The following EML2 variants were observed in gnomAD, a reference collection of about 807,000 sequenced individuals.
The protein encoded by EML2 is EMAP like 2.
Under a neutral mutation model 84.7 loss-of-function variants are expected in EML2, and 59 were observed. The observed-to-expected ratio is 0.70, with a 90% confidence interval of 0.56 to 0.86. The LOEUF is 0.86. Ranked by LOEUF, EML2 falls within the 40% of genes least tolerant of loss-of-function variation. The pLI is 0.00. For synonymous variants in EML2, 352 were observed against 348.9 expected, an observed-to-expected ratio of 1.01 and a Z score of -0.10; for missense variants, 818 against 855.6, an observed-to-expected ratio of 0.96 and a Z score of 0.55.
At chr19:45,641,494 G>T, upstream of EML2, 2 of 724,024 alleles carry the variant, frequency 2.8e-6, no homozygotes, top group Non-Finnish European at 4.5e-6. Flanking sequence ...CCTCAAGATT[G>T]GTCCCTCCAA....
chr19:45,615,714 C>T, intron 16 of EML2, 88 bp downstream of exon 16: 1 of 1,166,730 alleles, frequency 8.6e-7, no homozygotes, highest in Non-Finnish European at 1.3e-6. Flanking sequence ...GGGAGCGAGG[C>T]TTGAAGCCCC....
At chr19:45,631,475 G>C (rs1423924498) in intron 6 of EML2, among the ~76,000 whole-genome samples, 2 of 152,044 alleles carry the variant, frequency 1.3e-5, no homozygotes, top group East Asian at 3.8e-4. Context: ...GTGGAGTGCA[G>C]TGGTGGGATC....
upstream of EML2, chr19:45,643,818 G>T (rs1974819267): frequency 2.1e-5 from 30 of 1,414,582 alleles, no homozygotes; most frequent in Non-Finnish European, 2.7e-5. Context: ...TCCCAGGTCC[G>T]GTGCCTGGAC....
chr19:45,639,177 C>A (rs547904335), intron 1 of EML2, 180 bp downstream of exon 1: 9 of 711,532 alleles, frequency 1.3e-5, no homozygotes, highest in Non-Finnish European at 2.0e-5. Flanking sequence ...TGCTCCCCAG[C>A]GCCCCCCACC....
chr19:45,643,571 A>T, upstream of EML2: 1 of 1,535,768 alleles, frequency 6.5e-7, no homozygotes, highest in Non-Finnish European at 8.7e-7. Context: ...CCCGCAGAAT[A>T]CTCATACCCA....
chr19:45,636,476 A>G (rs966950893), intron 3 of EML2, among the ~76,000 whole-genome samples: 4 of 151,990 alleles, frequency 2.6e-5, no homozygotes. Flanking sequence ...GAAGCCCTCC[A>G]TGACTCCAGG....
chr19:45,616,149 A>T, intron 15 of EML2: 2 of 536,102 alleles, frequency 3.7e-6, no homozygotes, highest in East Asian at 3.1e-5. Flanking sequence ...AGGGCTAGAC[A>T]CGGAGGAGCT....
intron 11 of EML2, 91 bp downstream of exon 11, chr19:45,621,116 G>A: frequency 6.6e-7 from 1 of 1,524,494 alleles, no homozygotes; most frequent in Non-Finnish European, 8.9e-7. Flanking sequence ...GAGGTGAGGA[G>A]AACTGGGAGT....
chr19:45,643,755 T>C (rs1974810578), upstream of EML2: 1 of 1,509,312 alleles, frequency 6.6e-7, no homozygotes, highest in Admixed American at 2.1e-5. Flanking sequence ...CTCCTTCCCT[T>C]CGTAGCCCAA....
At chr19:45,611,374 G>A (rs1244273612) in intron 18 of EML2, among the ~76,000 whole-genome samples, 1 of 151,556 alleles carries the variant, frequency 6.6e-6, no homozygotes, top group Non-Finnish European at 1.5e-5. Context: ...TCGCGCCATT[G>A]CACTGCAGCC....
Position 45,639,150 on chromosome 19 carries a change from C to G in EML2, c.20+207G>C, listed in dbSNP as rs147265509. 3,704 of 661,086 alleles carry G rather than the reference C, an allele frequency of 5.6e-3. 13 individuals carry two copies. Among genetic ancestry groups the G allele is most frequent in the Non-Finnish European group, 6.6e-3 (2,524 of 384,184 alleles). The allele number at this position is 661,086 out of a possible 1,614,324, so 41.0% of individuals were successfully genotyped here. ...AGAAGGGAGTCACCAAGGACCCTTCCCTCCTAATCAGCAAGGTGCTCCCCA... is the reference window on the plus strand; with the variant it reads ...AGAAGGGAGTCACCAAGGACCCTTCGCTCCTAATCAGCAAGGTGCTCCCCA... On this transcript the variant is annotated intron_variant, in intron 1 of 18. Transcript: ENST00000245925.
intron 3 of EML2, among the ~76,000 whole-genome samples, chr19:45,634,919 C>T (rs900952290): frequency 2.4e-4 from 36 of 152,104 alleles, no homozygotes; most frequent in Non-Finnish European, 4.4e-4. Context: ...GGTGCAATCT[C>T]AGCTCACTGC....
At chr19:45,613,730 G>A (rs1164550203) in intron 17 of EML2, 59 bp from the exon 18 acceptor site, 31 of 1,583,506 alleles carry the variant, frequency 2.0e-5, no homozygotes, top group Non-Finnish European at 2.5e-5. Context: ...ACCGCCAAGA[G>A]GAGCAGATTG....
intron 4 of EML2, among the ~76,000 whole-genome samples, chr19:45,633,737 CA>C (rs1220735492): frequency 4.0e-5 from 6 of 150,552 alleles, no homozygotes; most frequent in African/African-American, 1.5e-4. Flanking sequence ...GACTAGTTCT[CA>C]AAAAAAGAAA....
rs1254590876 is a variant in EML2, at chr19:45,626,857, G to T, written c.607-18C>A. Reference sequence around the variant, plus strand: ...TTGGAGCACTTTGGGGGGTGGGGGAGATTCTGAATGAGGACCTCAAAGTCC... The same window carrying T: ...TTGGAGCACTTTGGGGGGTGGGGGATATTCTGAATGAGGACCTCAAAGTCC... On this transcript the variant is annotated intron_variant, in intron 7 of 18. Transcript: ENST00000245925. The T allele has an allele frequency of 1.9e-6, 3 of 1,593,200 alleles. No individual in the cohort carries two copies. Among genetic ancestry groups the T allele is most frequent in the African/African-American group, 1.3e-5 (1 of 74,482 alleles).
chr19:45,609,564 T>A lies in EML2; in HGVS notation c.*99A>T. ...ACCCTCCCGCCCCCATAACCCCCTC[T>A]GCTATAGACATACTCTGGGTATATA... On this transcript the variant is annotated 3_prime_UTR_variant, in exon 19 of 19. Transcript: ENST00000245925. 94 of 1,039,758 alleles carry A rather than the reference T, an allele frequency of 9.0e-5. No individual in the cohort carries two copies. Among genetic ancestry groups the A allele is most frequent in the East Asian group, 1.9e-4 (5 of 26,350 alleles). 64.4% of individuals were successfully genotyped at this position (1,039,758 alleles called of 1,614,324 possible).
rs993355416 is a variant in EML2, at chr19:45,639,370, T to C, written c.7A>G (p.Ser3Gly). The C allele has an allele frequency of 7.9e-7, 1 of 1,267,822 alleles. No individual in the cohort carries two copies. Among genetic ancestry groups the C allele is most frequent in the Non-Finnish European group, 1.0e-6 (1 of 998,494 alleles). The allele number at this position is 1,267,822 out of a possible 1,614,324, so 78.5% of individuals were successfully genotyped here. A position where few individuals can be genotyped will look rare whatever the true frequency, so the allele number is the denominator to read the frequency against. Residue 3 changes from serine (S) to glycine (G), a missense_variant, in exon 1 of 19, where the codon AGC (serine) becomes GGC (glycine). Coordinates refer to ENST00000245925, the MANE Select transcript of EML2 (RefSeq NM_012155.4). MS[S>G]FGAGKTKEVI... is the part of the protein sequence containing the mutation. ...AAAGGGTCTCACCCAGCTCCAAAGCTACTCATGGCGGCGGGTGGCGGAGCT... is the reference window on the plus strand; with the variant it reads ...AAAGGGTCTCACCCAGCTCCAAAGCCACTCATGGCGGCGGGTGGCGGAGCT...
chr19:45,613,696 G>A, intron 17 of EML2, 25 bp from the exon 18 acceptor site: 2 of 1,605,260 alleles, frequency 1.2e-6, no homozygotes, highest in Non-Finnish European at 1.7e-6. Context: ...AAGGGAAGTG[G>A]TAAGATGTCA....
chr19:45,615,578 A>C (rs1265446023), intron 16 of EML2, among the ~76,000 whole-genome samples: 5 of 151,048 alleles, frequency 3.3e-5, no homozygotes, highest in Non-Finnish European at 5.9e-5. Flanking sequence ...AATGTAAAAA[A>C]AGAAACCTGC....
Sources: allele counts gnomAD v4.1 joint callset (sites outside exome capture counted in the v4.1 genomes callset), GRCh38; gene constraint gnomAD v4.1.1; transcripts MANE v1.5; gene names NCBI Gene and HGNC (gene_info 2026-07-23, HGNC 2026-07-21).